AFF3: variants seen among roughly 807,000 people sequenced by gnomAD.
AFF3 encodes ALF transcription elongation factor 3, also known as AF4/FMR2 family member 3.
Under a neutral mutation model 129.7 loss-of-function variants are expected in AFF3, and 32 were observed. The observed-to-expected ratio is 0.25, with a 90% CI of 0.19 to 0.33. The LOEUF (loss-of-function observed/expected upper bound fraction) is 0.33. Among genes scored for constraint, AFF3 ranks in the 10% least tolerant of loss-of-function variants. The pLI, the probability that AFF3 is intolerant of heterozygous loss-of-function variation, is 1.00. For missense variants in AFF3, 1,373 were observed against 1,592.0 expected (o/e 0.86, Z 2.34); for synonymous variants, 644 against 635.4 (o/e 1.01, Z -0.20).
intron 11 of AFF3, among the ~76,000 whole-genome samples, chr2:99,673,190 AG>A (rs1389758571): frequency 1.3e-5 from 2 of 151,724 alleles, no homozygotes; most frequent in Non-Finnish European, 2.9e-5. Flanking sequence ...TGGTAAAGAG[AG>A]ATGAGAAAAA....
intron 7 of AFF3, among the ~76,000 whole-genome samples, chr2:99,850,442 T>C (rs1412406684): frequency 6.6e-6 from 1 of 152,176 alleles, no homozygotes; most frequent in South Asian, 2.1e-4. Flanking sequence ...TTGTTATTAA[T>C]GGGACAGGGT....
At chr2:99,586,004 C>G (rs1408576030) in intron 16 of AFF3, among the ~76,000 whole-genome samples, 2 of 152,204 alleles carry the variant, frequency 1.3e-5, no homozygotes, top group Non-Finnish European at 2.9e-5. Context: ...GCTGGGATTA[C>G]AGGCGTGAGC....
At chr2:99,819,130 C>T (rs1687460456) in intron 8 of AFF3, among the ~76,000 whole-genome samples, 1 of 152,182 alleles carries the variant, frequency 6.6e-6, no homozygotes, top group African/African-American at 2.4e-5. Context: ...TTTATGACGT[C>T]CCACTGGCTT....
chr2:99,893,889 C>T (rs1035130583), intron 7 of AFF3, among the ~76,000 whole-genome samples: 8 of 152,184 alleles, frequency 5.3e-5, no homozygotes, highest in African/African-American at 1.9e-4. Flanking sequence ...CTTGAGTTTA[C>T]ATCCCGTTCT....
chr2:99,787,747 A>G (rs1684911053), intron 8 of AFF3, among the ~76,000 whole-genome samples: 1 of 152,154 alleles, frequency 6.6e-6, no homozygotes, highest in African/African-American at 2.4e-5. Context: ...ACGAACAAAC[A>G]AACAAACAAA....
intron 10 of AFF3, among the ~76,000 whole-genome samples, chr2:99,728,130 T>A (rs951687266): frequency 1.3e-5 from 2 of 152,230 alleles, no homozygotes; most frequent in Non-Finnish European, 2.9e-5. Flanking sequence ...GTAGGCTTAA[T>A]GTAATTCCTA....
chr2:99,712,972 A>G (rs899005747), intron 11 of AFF3, among the ~76,000 whole-genome samples: 6 of 152,230 alleles, frequency 3.9e-5, no homozygotes, highest in African/African-American at 1.4e-4. Flanking sequence ...CACTTTGGAA[A>G]ATAAGCCAGA....
chr2:99,779,062 A>G (rs911488767), intron 8 of AFF3, among the ~76,000 whole-genome samples: 4 of 152,102 alleles, frequency 2.6e-5, no homozygotes, highest in African/African-American at 4.8e-5. Context: ...TACTTCTAGG[A>G]TAATACTGAC....
intron 12 of AFF3, among the ~76,000 whole-genome samples, chr2:99,654,486 G>T (rs1221491747): frequency 6.6e-6 from 1 of 152,068 alleles, no homozygotes; most frequent in Non-Finnish European, 1.5e-5. Flanking sequence ...AAATGGCAAA[G>T]AAAAAATTAG....
chr2:99,944,501 A>G (rs910061957), intron 7 of AFF3, among the ~76,000 whole-genome samples: 2 of 152,234 alleles, frequency 1.3e-5, no homozygotes, highest in African/African-American at 4.8e-5. Flanking sequence ...AATGCTTCCC[A>G]TTCCACTGAA....
intron 7 of AFF3, among the ~76,000 whole-genome samples, chr2:99,928,825 T>C (rs1696469453): frequency 6.6e-6 from 1 of 152,116 alleles, no homozygotes. Flanking sequence ...ATCTCAACTC[T>C]AAGGGACCTG....
At chr2:99,893,075 T>C (rs1479246262) in intron 7 of AFF3, among the ~76,000 whole-genome samples, 1 of 152,122 alleles carries the variant, frequency 6.6e-6, no homozygotes, top group Non-Finnish European at 1.5e-5. Context: ...CCACAGATCA[T>C]TCTGTGCCCA....
intron 22 of AFF3, among the ~76,000 whole-genome samples, chr2:99,555,842 C>T (rs1483669793): frequency 1.3e-5 from 2 of 152,172 alleles, no homozygotes; most frequent in African/African-American, 4.8e-5. Flanking sequence ...CTCTGAGGTG[C>T]TACAATGGCA....
intron 13 of AFF3, among the ~76,000 whole-genome samples, chr2:99,603,375 T>C (rs1680022844): frequency 6.6e-6 from 1 of 152,170 alleles, no homozygotes; most frequent in Non-Finnish European, 1.5e-5. Flanking sequence ...AAACAAGCAA[T>C]GGGGAAAGGA....
intron 20 of AFF3, 128 bp from the exon 21 acceptor site, chr2:99,560,564 G>T: frequency 1.2e-6 from 1 of 834,480 alleles, no homozygotes; most frequent in Non-Finnish European, 1.9e-6. Flanking sequence ...GCTTTTCATA[G>T]TACTTGCTGA....
chr2:99,709,864 T>C (rs1677741510), intron 11 of AFF3, among the ~76,000 whole-genome samples: 2 of 152,236 alleles, frequency 1.3e-5, no homozygotes, highest in Non-Finnish European at 1.5e-5. Flanking sequence ...GATTTTCAAA[T>C]GAAATAGTCC....
At chr2:99,585,832 G>A (rs540838954) in intron 16 of AFF3, among the ~76,000 whole-genome samples, 45 of 152,252 alleles carry the variant, frequency 3.0e-4, no homozygotes, top group East Asian at 1.4e-3. Context: ...GGGTTTGAGC[G>A]ATTCTCTGGC....
chr2:99,626,861 G>C (rs537574079), intron 13 of AFF3, among the ~76,000 whole-genome samples: 1 of 152,256 alleles, frequency 6.6e-6, no homozygotes, highest in African/African-American at 2.4e-5. Flanking sequence ...GTTTGCTAAG[G>C]ATAATGGATT....
intron 7 of AFF3, among the ~76,000 whole-genome samples, chr2:99,906,722 G>A (rs1228889580): frequency 6.6e-6 from 1 of 152,034 alleles, no homozygotes; most frequent in Non-Finnish European, 1.5e-5. Flanking sequence ...CGGACCACAT[G>A]TTTCTTTCTA....
Sources: gnomAD v4.1 joint callset for allele counts (sites outside exome capture counted in the v4.1 genomes callset) on GRCh38, gnomAD v4.1.1 for gene constraint, MANE v1.5 for transcripts, NCBI Gene and HGNC (gene_info 2026-07-23, HGNC 2026-07-21) for gene names.